Variants in ZFYVE28 observed in about 807,000 individuals in gnomAD.
ZFYVE28 encodes lateral signaling target protein 2 homolog.
Under a neutral mutation model 82.1 loss-of-function variants are expected in ZFYVE28, and 40 were observed. That is an observed-to-expected ratio of 0.49 (90% CI 0.38 to 0.63). The LOEUF (loss-of-function observed/expected upper bound fraction) is 0.63, where lower values mean the gene tolerates loss of function less well. Ranked by LOEUF, ZFYVE28 falls within the 30% of genes least tolerant of loss-of-function variation. ZFYVE28 has a pLI of 0.00. For synonymous variants in ZFYVE28, 612 were observed against 546.1 expected (o/e 1.12, Z -1.68); for missense variants, 1,321 against 1,242.1 (o/e 1.06, Z -0.96).
At chr4:2,304,258 A>G (rs760683313) in intron 8 of ZFYVE28, 31 bp downstream of exon 8, 39 of 1,529,444 alleles carry the variant, frequency 2.5e-5, no homozygotes, top group Non-Finnish European at 3.3e-5. Flanking sequence ...AGAGAGGACA[A>G]ACCCAGTCTC....
At chr4:2,334,007 G>A (rs781402707) in intron 6 of ZFYVE28, among the ~76,000 whole-genome samples, 1 of 152,188 alleles carries the variant, frequency 6.6e-6, no homozygotes, top group Non-Finnish European at 1.5e-5. Flanking sequence ...CCACCTTGTC[G>A]CTGGCCACTG....
At chr4:2,405,042 C>G (rs2108679463) in intron 1 of ZFYVE28, among the ~76,000 whole-genome samples, 1 of 152,214 alleles carries the variant, frequency 6.6e-6, no homozygotes, top group Admixed American at 6.5e-5. Context: ...ACACTTCAAT[C>G]TCTTAAAAGA....
intron 6 of ZFYVE28, among the ~76,000 whole-genome samples, chr4:2,334,854 ACTTCCGCCT>A (rs1721396498): frequency 3.8e-5 from 1 of 26,442 alleles, no homozygotes; most frequent in African/African-American, 1.6e-4. Context: ...CCCCCTCCCC[ACTTCCGCCT>A]CCCCCCCAGC....
At chr4:2,342,434 C>T (rs1216181626) in intron 2 of ZFYVE28, 1 of 152,194 alleles carries the variant, frequency 6.6e-6, no homozygotes, top group Non-Finnish European at 1.5e-5. Flanking sequence ...GGCTTTGTCA[C>T]TCAGGCTGGA....
intron 1 of ZFYVE28, among the ~76,000 whole-genome samples, chr4:2,403,795 T>A (rs1325446119): frequency 6.6e-6 from 1 of 151,432 alleles, no homozygotes; most frequent in Non-Finnish European, 1.5e-5. Context: ...TGAAACCCCG[T>A]CTCTACTAAA....
At chr4:2,330,115 G>A (rs889415566) in intron 6 of ZFYVE28, 15 of 227,114 alleles carry the variant, frequency 6.6e-5, no homozygotes, top group Non-Finnish European at 1.1e-4. Flanking sequence ...GGGGCAGGAT[G>A]AAGGATAATA....
At position 2,320,101 on chromosome 4, in the gene ZFYVE28, G is replaced by T; in HGVS notation, c.803+69C>A. 1.4e-6 allele frequency: 2 copies of T among 1,478,180 alleles called. No homozygotes were observed. The highest frequency in any genetic ancestry group is 1.2e-5 in the South Asian group (1 of 85,992). The allele number at this position is 1,478,180 out of a possible 1,614,324, so 91.6% of individuals were successfully genotyped here. On this transcript the variant is annotated intron_variant, in intron 7 of 12. Transcript: ENST00000290974. The surrounding 1 kb of genome is among the most constrained non-coding windows in gnomAD (Gnocchi z 5.1). ...GGACCTGGAGGCGGCGGCTAAACATGACTTCAGCGCCCACCTGTGGCCCTC... is the reference window on the plus strand; with the variant it reads ...GGACCTGGAGGCGGCGGCTAAACATTACTTCAGCGCCCACCTGTGGCCCTC...
chr4:2,370,351 C>T (rs967786534), intron 1 of ZFYVE28, among the ~76,000 whole-genome samples: 3 of 152,110 alleles, frequency 2.0e-5, no homozygotes, highest in Admixed American at 1.3e-4. Context: ...GACCATCACT[C>T]GGCCTGAGCC....
chr4:2,276,735 C>T (rs1736486793), intron 8 of ZFYVE28, among the ~76,000 whole-genome samples: 1 of 151,932 alleles, frequency 6.6e-6, no homozygotes, highest in South Asian at 2.1e-4. Flanking sequence ...CTTGAGTCTC[C>T]GACACGAGGT....
At chr4:2,334,942 G>A (rs1721431669) in intron 6 of ZFYVE28, among the ~76,000 whole-genome samples, 1 of 148,412 alleles carries the variant, frequency 6.7e-6, no homozygotes, top group African/African-American at 2.5e-5. Flanking sequence ...CCTGGCAGGG[G>A]CATGGGGAAT....
intron 1 of ZFYVE28, among the ~76,000 whole-genome samples, chr4:2,385,514 C>T (rs993425394): frequency 1.3e-5 from 2 of 152,216 alleles, no homozygotes; most frequent in Non-Finnish European, 2.9e-5. Context: ...CCCTGAGCAA[C>T]GCCAAGCAGC....
intron 7 of ZFYVE28, among the ~76,000 whole-genome samples, chr4:2,309,566 C>T (rs1476794343): frequency 2.0e-5 from 3 of 149,986 alleles, no homozygotes; most frequent in Non-Finnish European, 4.4e-5. Context: ...TACTTGATCA[C>T]GTTATCTACA....
At chr4:2,393,190 G>A (rs1357658904) in intron 1 of ZFYVE28, among the ~76,000 whole-genome samples, 1 of 152,188 alleles carries the variant, frequency 6.6e-6, no homozygotes, top group Admixed American at 6.5e-5. Flanking sequence ...GGTTGCTGGT[G>A]GCACCTGAAA....
At chr4:2,270,956 T>C (rs1202415518) in intron 12 of ZFYVE28, 100 bp from the exon 13 acceptor site, 2 of 1,507,568 alleles carry the variant, frequency 1.3e-6, no homozygotes, top group Admixed American at 2.0e-5. Context: ...TCAGGCCGCA[T>C]TGGTGGGTGG....
chr4:2,369,033 C>G (rs1422222241), intron 1 of ZFYVE28, among the ~76,000 whole-genome samples: 1 of 152,204 alleles, frequency 6.6e-6, no homozygotes, highest in Non-Finnish European at 1.5e-5. Context: ...AGTGGCCGCT[C>G]ACTGTGGTTT....
chr4:2,322,349 G>T (rs1719212247), intron 6 of ZFYVE28, among the ~76,000 whole-genome samples: 1 of 152,234 alleles, frequency 6.6e-6, no homozygotes, highest in African/African-American at 2.4e-5. Context: ...GTCCAATGCA[G>T]CCGCTGCCCA....
chr4:2,344,689 G>A (rs1723268587), intron 2 of ZFYVE28, among the ~76,000 whole-genome samples: 2 of 152,048 alleles, frequency 1.3e-5, no homozygotes, highest in South Asian at 4.1e-4. Flanking sequence ...CTGAGGTCGG[G>A]AGTTCGAGAC....
chr4:2,367,792 C>T (rs1050391972), intron 1 of ZFYVE28, among the ~76,000 whole-genome samples: 7 of 152,218 alleles, frequency 4.6e-5, no homozygotes, highest in African/African-American at 1.7e-4. Flanking sequence ...GAGGCCTCAC[C>T]AGCCCAGGCA....
intron 1 of ZFYVE28, among the ~76,000 whole-genome samples, chr4:2,356,037 C>T (rs940278779): frequency 1.3e-5 from 2 of 152,252 alleles, no homozygotes; most frequent in African/African-American, 4.8e-5. Flanking sequence ...TGGCCTGCCA[C>T]CCCTCCCCTC....
Sources: allele counts gnomAD v4.1 joint callset (sites outside exome capture counted in the v4.1 genomes callset), GRCh38; gene constraint gnomAD v4.1.1; non-coding constraint Gnocchi (gnomAD v3.1); transcripts MANE v1.5; gene names NCBI Gene and HGNC (gene_info 2026-07-23, HGNC 2026-07-21).